Variants in SORCS1 observed in about 807,000 individuals in gnomAD.
The protein encoded by SORCS1 is VPS10 domain-containing receptor SorCS1.
In SORCS1, 60 loss-of-function variants were observed where a neutral mutation model predicts 146.1. That is an observed-to-expected ratio of 0.41 (90% confidence interval 0.33 to 0.51). The LOEUF (loss-of-function observed/expected upper bound fraction) is 0.51. Among genes scored for constraint, SORCS1 ranks in the 20% least tolerant of loss-of-function variants. The pLI is 0.21. For missense variants in SORCS1, 1,352 were observed against 1,487.6 expected (o/e 0.91, Z 1.50); for synonymous variants, 637 against 584.0 (o/e 1.09, Z -1.31).
chr10:106,725,587 T>TA lies in SORCS1; in HGVS notation c.1024+4462dup, dbSNP rs758639964. Among the ~76,000 whole-genome samples the TA allele has an allele frequency of 3.0e-3, 456 of 149,802 alleles. 3 individuals are homozygous for TA. The highest frequency in any genetic ancestry group is 0.024 in the Middle Eastern group (7 of 290). On this transcript the variant is annotated intron_variant, in intron 6 of 25. Coordinates refer to ENST00000263054, the MANE Select transcript of SORCS1 (RefSeq NM_052918.5). ...ATAAATAAATAAATAAATAAATAAA[T>TA]AATAACAGTAATGAATGGATGGAGA...
intron 17 of SORCS1, among the ~76,000 whole-genome samples, chr10:106,660,849 CT>C (rs1260525132): frequency 1.3e-5 from 2 of 152,058 alleles, no homozygotes; most frequent in Admixed American, 6.6e-5. Flanking sequence ...TTAATGGCCC[CT>C]ATAAAGAAAC....
chr10:107,164,491 G>A lies in SORCS1; in HGVS notation c.36C>T (p.Ala12=). 7.4e-7 allele frequency: 1 copy of A among 1,353,598 alleles called. No individual in the cohort carries two copies. The allele number at this position is 1,353,598 out of a possible 1,614,324, so 83.8% of individuals were successfully genotyped here. Reference sequence around the variant, plus strand: ...CGCCGGCGAGGAGCGCGCTCAGCCGGGCTTGGGAGCCGCCGCCGGCGCCAA... The same window carrying A: ...CGCCGGCGAGGAGCGCGCTCAGCCGAGCTTGGGAGCCGCCGCCGGCGCCAA... ...GKVGAGGGSQ[A]RLSALLAGAG... is the part of the protein sequence containing the mutation. The change falls in exon 1 of 26, where the codon GCC becomes GCT. Residue 12 remains alanine, a synonymous_variant. Coordinates refer to ENST00000263054, the MANE Select transcript of SORCS1 (RefSeq NM_052918.5). This position sits in a 1 kb window ranked among gnomAD's most constrained non-coding sequence, Gnocchi z 6.8.
chr10:106,942,421 A>G (rs963519148), intron 2 of SORCS1, among the ~76,000 whole-genome samples: 1 of 152,040 alleles, frequency 6.6e-6, no homozygotes, highest in Non-Finnish European at 1.5e-5. Context: ...TGTGTGTTAC[A>G]CAAGGCTCAC....
intron 1 of SORCS1, among the ~76,000 whole-genome samples, chr10:107,153,618 GC>G (rs1969025242): frequency 6.6e-6 from 1 of 152,144 alleles, no homozygotes; most frequent in African/African-American, 2.4e-5. Context: ...TTGCTCTTTT[GC>G]AAAAAGCCTG....
chr10:106,961,174 A>G (rs1955206022), intron 1 of SORCS1, among the ~76,000 whole-genome samples: 1 of 152,224 alleles, frequency 6.6e-6, no homozygotes, highest in African/African-American at 2.4e-5. Flanking sequence ...ATTCTTTTGT[A>G]TCAAAACAGT....
rs1564720909 is a variant in SORCS1 at position 106,840,844 on chromosome 10, TA to T, written c.627-11172del. Among the ~76,000 whole-genome samples, 312 of 135,622 alleles carry T rather than the reference TA, an allele frequency of 2.3e-3. 6 individuals carry two copies. Among genetic ancestry groups the T allele is most frequent in the South Asian group, 4.4e-3 (18 of 4,068 alleles). The allele number at this position is 135,622 out of a possible 152,430, so 89.0% of individuals were successfully genotyped here. ...TAATTCACATTTTTTAGTTATATTA[TA>T]TATATATATATATATATATTTTTTT... is the stretch of plus-strand genomic sequence containing the variant. On this transcript the variant is annotated intron_variant, in intron 2 of 25. Transcript: ENST00000263054.
At chr10:106,906,574 G>T (rs184468674) in intron 2 of SORCS1, among the ~76,000 whole-genome samples, 1 of 152,150 alleles carries the variant, frequency 6.6e-6, no homozygotes, top group Non-Finnish European at 1.5e-5. Context: ...GATCTCGCAA[G>T]ACTTATTCAC....
chr10:106,663,656 T>C (rs1205832650), intron 17 of SORCS1, among the ~76,000 whole-genome samples: 1 of 152,162 alleles, frequency 6.6e-6, no homozygotes, highest in Non-Finnish European at 1.5e-5. Context: ...AGAAAGTTCT[T>C]TTCCATCTTT....
At chr10:106,779,188 C>A (rs1320441297) in intron 3 of SORCS1, among the ~76,000 whole-genome samples, 1 of 152,190 alleles carries the variant, frequency 6.6e-6, no homozygotes, top group African/African-American at 2.4e-5. Context: ...AACTCTCCAT[C>A]TGAGAATTTG....
intron 1 of SORCS1, among the ~76,000 whole-genome samples, chr10:107,005,306 A>T (rs1564915652): frequency 1.4e-5 from 2 of 146,854 alleles, no homozygotes; most frequent in Non-Finnish European, 3.0e-5. Context: ...GCTGGGTGAG[A>T]CAGAACGAGA....
intron 4 of SORCS1, among the ~76,000 whole-genome samples, chr10:106,772,670 T>C (rs954833406): frequency 6.6e-6 from 1 of 152,166 alleles, no homozygotes; most frequent in Admixed American, 6.5e-5. Context: ...TCTTCCCTGA[T>C]TAAAACCACC....
rs1002772827 is a variant in SORCS1, at chr10:106,838,182, C to G, written c.627-8509G>C. Reference sequence around the variant, plus strand: ...TGGCAAGGACTTTTGGCTACAATAGCCCCTGCTGTTAGAAGATAAAATCAG... The same window carrying G: ...TGGCAAGGACTTTTGGCTACAATAGGCCCTGCTGTTAGAAGATAAAATCAG... On this transcript the variant is annotated intron_variant, in intron 2 of 25. Coordinates refer to ENST00000263054, the MANE Select transcript of SORCS1 (RefSeq NM_052918.5). Among the ~76,000 whole-genome samples the G allele has an allele frequency of 1.6e-4, 24 of 152,276 alleles. No individual in the cohort carries two copies. The East Asian group carries it at 2.7e-3, about 17-fold the overall frequency.
intron 5 of SORCS1, among the ~76,000 whole-genome samples, chr10:106,738,494 G>A (rs1314731519): frequency 3.3e-5 from 5 of 152,188 alleles, no homozygotes; most frequent in Non-Finnish European, 7.3e-5. Flanking sequence ...GGTCAGAGAA[G>A]CAGTGCTAAG....
At chr10:107,030,402 G>A (rs1474027602) in intron 1 of SORCS1, among the ~76,000 whole-genome samples, 1 of 152,154 alleles carries the variant, frequency 6.6e-6, no homozygotes, top group East Asian at 1.9e-4. Flanking sequence ...AGGTCAATTT[G>A]TAAACCCCAA....
chr10:106,899,696 C>T (rs1589662627), intron 2 of SORCS1, among the ~76,000 whole-genome samples: 1 of 150,008 alleles, frequency 6.7e-6, no homozygotes, highest in Non-Finnish European at 1.5e-5. Context: ...AAATGTCCCT[C>T]GAAGATCTTT....
intron 5 of SORCS1, among the ~76,000 whole-genome samples, chr10:106,740,544 C>T (rs556687438): frequency 6.6e-6 from 1 of 152,176 alleles, no homozygotes; most frequent in East Asian, 1.9e-4. Flanking sequence ...TAAAAATAAA[C>T]ATGTCAGGTG....
At chr10:106,763,930 G>A (rs561820854) in intron 4 of SORCS1, among the ~76,000 whole-genome samples, 60 of 152,240 alleles carry the variant, frequency 3.9e-4, no homozygotes, top group African/African-American at 1.4e-3. Context: ...ATCCTTCTAC[G>A]TGTACGGGTG....
At chr10:107,033,844 T>C (rs1240596915) in intron 1 of SORCS1, among the ~76,000 whole-genome samples, 4 of 152,206 alleles carry the variant, frequency 2.6e-5, no homozygotes, top group Non-Finnish European at 4.4e-5. Flanking sequence ...AGTAAGTGGG[T>C]TTCTGCTTCC....
chr10:106,617,633 T>C (rs1211766552), intron 21 of SORCS1, among the ~76,000 whole-genome samples: 2 of 152,170 alleles, frequency 1.3e-5, no homozygotes, highest in Non-Finnish European at 1.5e-5. Context: ...TGTTCAAATA[T>C]CCCGTCTATG....
Sources: allele counts gnomAD v4.1 joint callset (sites outside exome capture counted in the v4.1 genomes callset), GRCh38; gene constraint gnomAD v4.1.1; non-coding constraint Gnocchi (gnomAD v3.1); transcripts MANE v1.5; gene names NCBI Gene and HGNC (gene_info 2026-07-23, HGNC 2026-07-21).